Variants in ARSG observed in about 807,000 individuals in gnomAD.
ARSG encodes the protein arylsulfatase G.
Under a neutral mutation model 50.5 loss-of-function variants are expected in ARSG, and 37 were observed. That is an observed-to-expected ratio of 0.73 (90% CI 0.56 to 0.96). ARSG has a LOEUF of 0.96. Ranked by LOEUF, ARSG falls within the 50% of genes least tolerant of loss-of-function variation. ARSG has a pLI of 0.00. For synonymous variants in ARSG, 225 were observed against 254.6 expected (o/e 0.88, Z 1.11); for missense variants, 629 against 675.3 (o/e 0.93, Z 0.76).
the ARSG span, chr17:68,444,401 T>C: frequency 1.2e-5 from 14 of 1,181,722 alleles, no homozygotes; most frequent in Non-Finnish European, 1.7e-5. Flanking sequence ...CAAACACTGC[T>C]TCACGTTCGC....
At chr17:68,292,126 G>C (rs1343848101) in intron 1 of ARSG, among the ~76,000 whole-genome samples, 2 of 152,086 alleles carry the variant, frequency 1.3e-5, no homozygotes, top group Non-Finnish European at 2.9e-5. Context: ...CGGGTGCCTT[G>C]CTTCCCCCAC....
At position 68,262,786 on chromosome 17, in the gene ARSG, T is replaced by C. The variant is rs548099000; in HGVS notation, c.-552+3360T>C. Among the ~76,000 whole-genome samples, 21 of 152,080 alleles carry C rather than the reference T, an allele frequency of 1.4e-4. No homozygotes were observed. In the East Asian group the frequency reaches 4.1e-3, roughly 29 times the overall value. On this transcript the variant is annotated intron_variant, in intron 1 of 11. Transcript: ENST00000448504. ...TATTTAGAAAGGAGAGCCGATTGGA[T>C]GTGTGGAGGAGTGGGTTTGAGGAGG...
In ARSG at chr17:68,420,425, A is replaced by C; in HGVS notation, c.1540A>C (p.Asn514His). Residue 514 changes from asparagine to histidine, a missense_variant, in exon 12 of 12, where the codon AAT becomes CAT. Coordinates refer to ENST00000621439, the MANE Select transcript of ARSG (RefSeq NM_001267727.2). ...TQDPSVTPCCNPYQIACRCQA... is the reference protein window; with the variant it reads ...TQDPSVTPCCHPYQIACRCQA... ...GGACCCTTCAGTAACTCCCTGCTGT[A>C]ATCCCTACCAAATTGCCTGCCGCTG... is the stretch of plus-strand genomic sequence containing the variant. 1 of 1,614,196 alleles carries C rather than the reference A, an allele frequency of 6.2e-7. No homozygotes were observed. Among genetic ancestry groups the C allele is most frequent in the Non-Finnish European group, 8.5e-7 (1 of 1,180,026 alleles).
At chr17:68,439,763 T>G in the ARSG span, among the ~76,000 whole-genome samples, 5 of 152,232 alleles carry the variant, frequency 3.3e-5, no homozygotes, top group Admixed American at 1.3e-4. Flanking sequence ...CCGAGTTATT[T>G]GCTGCTCTTT....
intron 1 of ARSG, among the ~76,000 whole-genome samples, chr17:68,303,576 G>A (rs1423559465): frequency 6.6e-6 from 1 of 152,146 alleles, no homozygotes; most frequent in Non-Finnish European, 1.5e-5. Context: ...AGCCTCCCAA[G>A]CAGCTGGGAC....
At chr17:68,351,507 G>A in intron 4 of ARSG, 68 bp from the exon 5 acceptor site, 1 of 810,030 alleles carries the variant, frequency 1.2e-6, no homozygotes, top group Non-Finnish European at 2.2e-6. Flanking sequence ...TTTTTGTCGT[G>A]GGTGTACAAA....
chr17:68,394,193 A>G (rs189592051), intron 9 of ARSG, among the ~76,000 whole-genome samples: 71 of 152,328 alleles, frequency 4.7e-4, no homozygotes, highest in Non-Finnish European at 8.1e-4. Flanking sequence ...GGAAAAAGAA[A>G]TTTGTGCTAA....
chr17:68,376,632 C>T (rs901426125), intron 8 of ARSG, among the ~76,000 whole-genome samples: 2 of 151,698 alleles, frequency 1.3e-5, no homozygotes, highest in Non-Finnish European at 2.9e-5. Flanking sequence ...TTTATTTAAC[C>T]CCATATCCTT....
chr17:68,428,675 G>A, the ARSG span: 121 of 605,096 alleles, frequency 2.0e-4, no homozygotes, highest in East Asian at 1.9e-3. Flanking sequence ...CACAGAGCCC[G>A]GTGCAGAGCA....
intron 1 of ARSG, chr17:68,283,231 C>T (rs916706537): frequency 6.6e-6 from 1 of 151,768 alleles, no homozygotes; most frequent in African/African-American, 2.4e-5. Context: ...GAATTCAAGA[C>T]CAGACTGGGC....
chr17:68,293,801 T>C (rs1599594323), intron 1 of ARSG, among the ~76,000 whole-genome samples: 3 of 152,276 alleles, frequency 2.0e-5, no homozygotes, highest in African/African-American at 7.2e-5. Context: ...TTGCCATCTG[T>C]GTTTGAATAA....
chr17:68,270,217 A>T (rs2075291263), intron 1 of ARSG, among the ~76,000 whole-genome samples: 1 of 152,148 alleles, frequency 6.6e-6, no homozygotes, highest in African/African-American at 2.4e-5. Context: ...GAAGGTGATA[A>T]ATCCATGAGT....
At chr17:68,426,000 G>T (rs1274499358), downstream of ARSG, 18 of 1,151,636 alleles carry the variant, frequency 1.6e-5, no homozygotes, top group Non-Finnish European at 2.3e-5. Flanking sequence ...AAGGGACTCT[G>T]CCTCTCGTAT....
At chr17:68,324,783 T>C (rs1309901515) in intron 2 of ARSG, among the ~76,000 whole-genome samples, 3 of 152,210 alleles carry the variant, frequency 2.0e-5, no homozygotes, top group Admixed American at 1.3e-4. Context: ...AGCCACTTGG[T>C]ACGTGTTAGA....
the ARSG span, among the ~76,000 whole-genome samples, chr17:68,430,854 G>A: frequency 6.6e-6 from 1 of 152,216 alleles, no homozygotes; most frequent in Non-Finnish European, 1.5e-5. Flanking sequence ...CCAGGAGCAG[G>A]CAACTGCTGA....
chr17:68,262,287 C>T (rs539243900), intron 1 of ARSG, among the ~76,000 whole-genome samples: 10 of 151,688 alleles, frequency 6.6e-5, no homozygotes, highest in African/African-American at 1.7e-4. Flanking sequence ...CTGGCTAACA[C>T]GGTGAAACTC....
intron 2 of ARSG, among the ~76,000 whole-genome samples, chr17:68,341,351 CTG>C (rs1599790139): frequency 6.6e-6 from 1 of 152,198 alleles, no homozygotes; most frequent in East Asian, 1.9e-4. Context: ...GAAAGTCAAA[CTG>C]TATAACAACA....
chr17:68,446,028 G>C, the ARSG span, among the ~76,000 whole-genome samples: 1 of 152,162 alleles, frequency 6.6e-6, no homozygotes, highest in Non-Finnish European at 1.5e-5. Context: ...ACATCAGCTA[G>C]AAGGGAAGGT....
intron 1 of ARSG, among the ~76,000 whole-genome samples, chr17:68,300,933 A>G (rs1416264082): frequency 1.3e-5 from 2 of 151,896 alleles, no homozygotes; most frequent in South Asian, 2.1e-4. Flanking sequence ...CCTGGCTAAC[A>G]TGGTGAAACC....
Sources: allele counts gnomAD v4.1 joint callset (sites outside exome capture counted in the v4.1 genomes callset), GRCh38; gene constraint gnomAD v4.1.1; transcripts MANE v1.5; gene names NCBI Gene and HGNC (gene_info 2026-07-23, HGNC 2026-07-21).